Variants in TMEM131 observed in about 807,000 individuals in gnomAD.
The protein encoded by TMEM131 is 2610524E03Rik.
A neutral mutation model predicts 211.6 loss-of-function variants in TMEM131; 66 were observed. The observed-to-expected ratio is 0.31, with a 90% CI of 0.26 to 0.38. TMEM131 has a LOEUF of 0.38. Among genes scored for constraint, TMEM131 ranks in the 10% least tolerant of loss-of-function variants. The pLI, the probability that TMEM131 is intolerant of heterozygous loss-of-function variation, is 1.00. For missense variants in TMEM131, 2,036 were observed against 2,299.3 expected (o/e 0.89, Z 2.34); for synonymous variants, 844 against 841.3 (o/e 1.00, Z -0.06).
chr2:97,816,472 T>C (rs1463300169), intron 12 of TMEM131, among the ~76,000 whole-genome samples: 3 of 152,244 alleles, frequency 2.0e-5, no homozygotes, highest in Non-Finnish European at 4.4e-5. Context: ...TTTATCCTCT[T>C]AGAGTACTTT....
At chr2:97,852,909 A>C (rs1673685963) in intron 5 of TMEM131, among the ~76,000 whole-genome samples, 1 of 152,218 alleles carries the variant, frequency 6.6e-6, no homozygotes, top group Non-Finnish European at 1.5e-5. Context: ...AACTGTGCTA[A>C]ATCTATTCTA....
rs138589436 is a variant in TMEM131, at chr2:97,896,660, T to C, written c.291-8540A>G. ...GATCTTTGTTGGTTTCAAGTCTGTTTCATCAGAGACTAGGATTGTAACCCC... is the reference window on the plus strand; with the variant it reads ...GATCTTTGTTGGTTTCAAGTCTGTTCCATCAGAGACTAGGATTGTAACCCC... On this transcript the variant is annotated intron_variant, in intron 3 of 40. Transcript: ENST00000186436. Among the ~76,000 whole-genome samples the C allele has an allele frequency of 2.8e-4, 42 of 152,314 alleles. No individual in the cohort carries two copies. The East Asian group carries it at 7.3e-3, about 27-fold the overall frequency.
At chr2:97,838,827 G>T (rs531123763) in intron 7 of TMEM131, among the ~76,000 whole-genome samples, 25 of 152,238 alleles carry the variant, frequency 1.6e-4, no homozygotes, top group Non-Finnish European at 2.5e-4. Flanking sequence ...ACCAAAGACT[G>T]ATAAGCTATA....
intron 1 of TMEM131, among the ~76,000 whole-genome samples, chr2:97,937,109 T>C (rs907304485): frequency 9.2e-5 from 14 of 152,106 alleles, no homozygotes; most frequent in African/African-American, 2.9e-4. Flanking sequence ...CAGGACTTAC[T>C]AGAAGACTTT....
chr2:97,760,572 G>A, intron 38 of TMEM131, 21 bp downstream of exon 38: 4 of 1,597,840 alleles, frequency 2.5e-6, no homozygotes, highest in Non-Finnish European at 3.4e-6. Flanking sequence ...CTTTCTAGCG[G>A]TTAGTGGTGG....
At chr2:97,775,783 G>A (rs1489528106) in intron 32 of TMEM131, 60 bp downstream of exon 32, 10 of 1,536,680 alleles carry the variant, frequency 6.5e-6, no homozygotes, top group African/African-American at 1.4e-5. Context: ...GGAAGGTCTT[G>A]TGAGCTGCAG....
chr2:97,779,069 C>T (rs1573346424), intron 31 of TMEM131, among the ~76,000 whole-genome samples: 1 of 152,306 alleles, frequency 6.6e-6, no homozygotes, highest in South Asian at 2.1e-4. Context: ...TGGGCCCGAC[C>T]CCTCAGGGTC....
chr2:97,759,376 T>C, intron 39 of TMEM131: 1 of 526,036 alleles, frequency 1.9e-6, no homozygotes, highest in Non-Finnish European at 3.4e-6. Context: ...AGGGGTCCCA[T>C]TTCAGACCAG....
At chr2:97,784,200 AC>A (rs957538219) in intron 31 of TMEM131, among the ~76,000 whole-genome samples, 1 of 152,092 alleles carries the variant, frequency 6.6e-6, no homozygotes, top group African/African-American at 2.4e-5. Context: ...AAAGAACTTA[AC>A]ACCATTATCA....
In TMEM131 at chr2:97,995,463, G is replaced by T; in HGVS notation, c.187+13C>A. 3.6e-6 allele frequency: 5 copies of T among 1,383,870 alleles called. No individual in the cohort carries two copies. Among genetic ancestry groups the T allele is most frequent in the Non-Finnish European group, 3.8e-6 (4 of 1,064,020 alleles). 85.7% of individuals were successfully genotyped at this position (1,383,870 alleles called of 1,614,324 possible). On this transcript the variant is annotated intron_variant, in intron 1 of 40. Coordinates refer to ENST00000186436, the MANE Select transcript of TMEM131 (RefSeq NM_015348.2). ...ACAGCCCCGCCGCAGGGACGCCGCC[G>T]GGGGACACCCACCTTCCTTCTCGGC...
intron 36 of TMEM131, 177 bp downstream of exon 36, chr2:97,761,858 G>T: frequency 1.6e-6 from 1 of 628,864 alleles, no homozygotes; most frequent in Non-Finnish European, 2.6e-6. Context: ...TTGGAGCTGG[G>T]CACAGCAGCA....
chr2:97,826,468 C>T lies in TMEM131; in HGVS notation c.1074+6897G>A, dbSNP rs574498073. 5.3e-5 allele frequency among the ~76,000 whole-genome samples: 8 copies of T among 152,076 alleles called. No individual in the cohort carries two copies. The South Asian group carries it at 8.3e-4, about 16-fold the overall frequency. On this transcript the variant is annotated intron_variant, in intron 11 of 40. Transcript: ENST00000186436. ...ATCCAAAGAGGTGGCAGTCTCACAC[C>T]GCCGAAGCCATCAAAAGGGGAAGGA... is the stretch of plus-strand genomic sequence containing the variant.
At chr2:97,878,853 A>G (rs1464961958) in intron 4 of TMEM131, among the ~76,000 whole-genome samples, 2 of 152,202 alleles carry the variant, frequency 1.3e-5, no homozygotes, top group African/African-American at 4.8e-5. Context: ...TAATAATTAA[A>G]AAATAATAAT....
chr2:97,928,552 A>G (rs900856588), intron 1 of TMEM131, among the ~76,000 whole-genome samples: 2 of 151,882 alleles, frequency 1.3e-5, no homozygotes, highest in African/African-American at 4.9e-5. Flanking sequence ...ACTGTATTAC[A>G]AATGAATGAA....
chr2:97,871,125 T>G (rs905163558), intron 4 of TMEM131, among the ~76,000 whole-genome samples: 1 of 152,234 alleles, frequency 6.6e-6, no homozygotes, highest in African/African-American at 2.4e-5. Flanking sequence ...ATCAAGATTT[T>G]CTGAATGTAA....
At chr2:97,915,448 T>G (rs917752854) in intron 2 of TMEM131, among the ~76,000 whole-genome samples, 1 of 152,122 alleles carries the variant, frequency 6.6e-6, no homozygotes, top group Admixed American at 6.5e-5. Context: ...GACTCCTGAG[T>G]AGCTGGGACT....
chr2:97,917,291 C>G (rs565212758), intron 2 of TMEM131, among the ~76,000 whole-genome samples: 112 of 152,262 alleles, frequency 7.4e-4, no homozygotes, highest in South Asian at 1.2e-3. Context: ...ATATCTGGTC[C>G]TTTACCGAAA....
intron 33 of TMEM131, among the ~76,000 whole-genome samples, chr2:97,767,705 T>C (rs1679240516): frequency 6.6e-6 from 1 of 152,152 alleles, no homozygotes; most frequent in East Asian, 1.9e-4. Flanking sequence ...TGGTGTAAAA[T>C]GGATGCATCG....
intron 4 of TMEM131, among the ~76,000 whole-genome samples, chr2:97,870,811 A>G (rs1295338540): frequency 6.6e-6 from 1 of 152,182 alleles, no homozygotes; most frequent in Admixed American, 6.5e-5. Flanking sequence ...GTACCACTCA[A>G]TTACCGCAAA....
Sources: allele counts gnomAD v4.1 joint callset (sites outside exome capture counted in the v4.1 genomes callset), GRCh38; gene constraint gnomAD v4.1.1; transcripts MANE v1.5; gene names NCBI Gene and HGNC (gene_info 2026-07-23, HGNC 2026-07-21).